JMJD1C: variants seen among roughly 807,000 people sequenced by gnomAD.
JMJD1C encodes the protein jumonji domain-containing protein 1C.
JMJD1C carries 31 observed loss-of-function variants against 245.3 expected under a neutral mutation model. That is an observed-to-expected ratio of 0.13 (90% confidence interval 0.09 to 0.17). JMJD1C has a LOEUF of 0.17. Ranked by LOEUF, JMJD1C falls within the 10% of genes least tolerant of loss-of-function variation. The probability of loss-of-function intolerance (pLI) is 1.00; values close to 1 mark genes in which losing one functional copy is unlikely to be tolerated. For synonymous variants in JMJD1C, 1,057 were observed against 1,017.4 expected (o/e 1.04, Z -0.74); for missense variants, 2,691 against 3,000.2 (o/e 0.90, Z 2.41).
At position 63,479,267 on chromosome 10, in the gene JMJD1C, TTC is replaced by T. The variant is rs1225385079; in HGVS notation, n.113+42469_113+42470del. ...ACCAACAAATTGCCAATCTTATTTCTTCTCTTTTTTTTTTTTTTTGGCTGGAA... is the reference window on the plus strand; with the variant it reads ...ACCAACAAATTGCCAATCTTATTTCTTCTTTTTTTTTTTTTTTGGCTGGAA... On this transcript the variant is annotated intron_variant and non_coding_transcript_variant, in intron 1 of 3. Transcript: ENST00000633035. Among the ~76,000 whole-genome samples, 466 of 150,470 alleles carry T rather than the reference TTC, an allele frequency of 3.1e-3. 2 individuals carry two copies. The highest frequency in any genetic ancestry group is 5.5e-3 in the Non-Finnish European group (375 of 67,756).
intron 2 of JMJD1C, among the ~76,000 whole-genome samples, chr10:63,302,650 G>A (rs1439625308): frequency 1.3e-5 from 2 of 152,148 alleles, no homozygotes; most frequent in East Asian, 3.8e-4. Context: ...TCTTATGTCA[G>A]TATTTAAAAT....
chr10:63,382,028 G>C (rs1007206756), intron 1 of JMJD1C, among the ~76,000 whole-genome samples: 1 of 152,080 alleles, frequency 6.6e-6, no homozygotes, highest in Admixed American at 6.6e-5. Flanking sequence ...CCTGGCCACA[G>C]AGTGAAACAC....
chr10:63,226,700 G>T (rs972141315), intron 3 of JMJD1C, among the ~76,000 whole-genome samples: 2 of 110,516 alleles, frequency 1.8e-5, no homozygotes, highest in Non-Finnish European at 3.5e-5. Context: ...GGGCGACAAA[G>T]CACAACCCTG....
chr10:63,183,655 T>C, intron 21 of JMJD1C, 86 bp from the exon 22 acceptor site: 1 of 738,316 alleles, frequency 1.4e-6, no homozygotes, highest in Non-Finnish European at 2.0e-6. Flanking sequence ...TAGCTCGATC[T>C]GCATAATTTA....
intron 1 of JMJD1C, among the ~76,000 whole-genome samples, chr10:63,506,614 GT>G (rs1954724832): frequency 1.3e-5 from 2 of 152,074 alleles, no homozygotes; most frequent in East Asian, 3.9e-4. Flanking sequence ...AATAAAATTT[GT>G]TTCTTAAGAC....
At chr10:63,510,545 T>G (rs1564979630) in intron 1 of JMJD1C, among the ~76,000 whole-genome samples, 1 of 152,222 alleles carries the variant, frequency 6.6e-6, no homozygotes, top group Non-Finnish European at 1.5e-5. Context: ...CTATTTAATT[T>G]TATTGTGCTT....
intron 1 of JMJD1C, among the ~76,000 whole-genome samples, chr10:63,428,330 C>A (rs942153610): frequency 2.0e-5 from 3 of 152,174 alleles, no homozygotes; most frequent in African/African-American, 7.2e-5. Flanking sequence ...ACATTTTTCT[C>A]TAACTTGCAT....
chr10:63,206,133 C>A (rs1846588868), intron 10 of JMJD1C, among the ~76,000 whole-genome samples: 1 of 152,176 alleles, frequency 6.6e-6, no homozygotes, highest in African/African-American at 2.4e-5. Flanking sequence ...CCAGGGACAA[C>A]TGTAACTATC....
At chr10:63,494,599 C>T (rs1488869256) in intron 1 of JMJD1C, among the ~76,000 whole-genome samples, 1 of 152,062 alleles carries the variant, frequency 6.6e-6, no homozygotes, top group Non-Finnish European at 1.5e-5. Context: ...TTGGCAGTAT[C>T]CATAAGAAAA....
Position 63,207,281 on chromosome 10 carries a change from G to A in JMJD1C, c.4388C>T (p.Thr1463Ile). The A allele has an allele frequency of 6.2e-7, 1 of 1,613,760 alleles. No homozygotes were observed. Among genetic ancestry groups the A allele is most frequent in the Non-Finnish European group, 8.5e-7 (1 of 1,180,034 alleles). The change falls in exon 10 of 26, where the codon ACA (threonine) becomes ATA (isoleucine). Residue 1463 changes from threonine (T) to isoleucine (I), a missense_variant. Thr to Ile is a moderately conservative substitution (Grantham distance 89, BLOSUM62 -1). Around this residue, in one of 9 missense-constraint regions of JMJD1C, gnomAD observed 1,562 missense variants for 1,490.7 expected, o/e 1.05. Transcript: ENST00000399262. ...TAPVTLASSK[T>I]GSVVQPSSGF... is the part of the protein sequence containing the mutation. ...AGAACTGGGTTGAACAACACTTCCTGTCTTACTACTGGCTAATGTAACTGG... is the reference window on the plus strand; with the variant it reads ...AGAACTGGGTTGAACAACACTTCCTATCTTACTACTGGCTAATGTAACTGG...
intron 2 of JMJD1C, among the ~76,000 whole-genome samples, chr10:63,274,556 C>T (rs900032169): frequency 1.3e-4 from 20 of 151,542 alleles, no homozygotes; most frequent in African/African-American, 4.6e-4. Flanking sequence ...CAGAGCGAGA[C>T]TCAGTCTCAA....
chr10:63,215,007 C>A lies in JMJD1C; in HGVS notation c.1160G>T (p.Arg387Ile), dbSNP rs1270425477. ...ESSDSENSNKRIIDNSSEQKP... is the reference protein window; with the variant it reads ...ESSDSENSNKIIIDNSSEQKP... ...CTGTTCTGAGGAATTATCTATTATTCTCTTATTTGAATTTTCTGAGTCACT... is the reference window on the plus strand; with the variant it reads ...CTGTTCTGAGGAATTATCTATTATTATCTTATTTGAATTTTCTGAGTCACT... Residue 387 changes from arginine (R) to isoleucine (I), a missense_variant, in exon 8 of 26, where the codon AGA (arginine) becomes ATA (isoleucine). This residue lies in a region of JMJD1C where 1,562 missense variants were observed against 1,490.7 expected (regional missense o/e 1.05). Transcript: ENST00000399262. The A allele has an allele frequency of 6.2e-7, 1 of 1,601,880 alleles. No homozygotes were observed. The highest frequency in any genetic ancestry group is 8.5e-7 in the Non-Finnish European group (1 of 1,173,100).
intron 1 of JMJD1C, among the ~76,000 whole-genome samples, chr10:63,413,771 A>G (rs1217846310): frequency 6.6e-6 from 1 of 152,206 alleles, no homozygotes; most frequent in Non-Finnish European, 1.5e-5. Flanking sequence ...TCAGATTATA[A>G]GCTGAATGAA....
chr10:63,460,353 C>A (rs1045402670), intron 1 of JMJD1C, among the ~76,000 whole-genome samples: 1 of 151,262 alleles, frequency 6.6e-6, no homozygotes, highest in Non-Finnish European at 1.5e-5. Flanking sequence ...CTCATCTCTA[C>A]AAAAAAAAAT....
At chr10:63,391,855 G>T (rs576327684) in intron 1 of JMJD1C, among the ~76,000 whole-genome samples, 11 of 152,118 alleles carry the variant, frequency 7.2e-5, no homozygotes, top group Non-Finnish European at 1.0e-4. Flanking sequence ...TGAGCAAAAA[G>T]AACAAAACTG....
At chr10:63,468,204 T>G (rs1953377694), upstream of JMJD1C, among the ~76,000 whole-genome samples, 1 of 152,218 alleles carries the variant, frequency 6.6e-6, no homozygotes, top group African/African-American at 2.4e-5. Context: ...AGTATCTTAA[T>G]ATTCTTAGAA....
At chr10:63,380,535 C>CT (rs1409016999) in intron 1 of JMJD1C, 53 bp from the exon 2 acceptor site, 4 of 1,374,580 alleles carry the variant, frequency 2.9e-6, no homozygotes, top group Non-Finnish European at 3.0e-6. Context: ...AGTGGTATAT[C>CT]TTTTTTTACT....
chr10:63,362,266 AG>A (rs1172803926), intron 2 of JMJD1C, among the ~76,000 whole-genome samples: 6 of 151,850 alleles, frequency 4.0e-5, no homozygotes, highest in African/African-American at 1.5e-4. Context: ...CTAGTTTGAA[AG>A]AAGTGTTTAC....
At chr10:63,441,069 T>C (rs1480340487) in intron 1 of JMJD1C, among the ~76,000 whole-genome samples, 5 of 151,948 alleles carry the variant, frequency 3.3e-5, no homozygotes, top group Non-Finnish European at 7.4e-5. Flanking sequence ...AGGCACAGAG[T>C]AGGTGTAAAG....
Sources: allele counts gnomAD v4.1 joint callset (sites outside exome capture counted in the v4.1 genomes callset), GRCh38; gene constraint gnomAD v4.1.1; regional missense constraint gnomAD v4.1.1; transcripts MANE v1.5; gene names NCBI Gene and HGNC (gene_info 2026-07-23, HGNC 2026-07-21).